The following LINGO2 variants were observed in gnomAD, a reference collection of about 807,000 sequenced individuals.
The protein encoded by LINGO2 is leucine rich repeat and Ig domain containing 2.
Under a neutral mutation model 30.6 loss-of-function variants are expected in LINGO2, and 14 were observed. The observed-to-expected ratio is 0.46, with a 90% CI of 0.30 to 0.72. LINGO2 has a LOEUF of 0.72. Ranked by LOEUF, LINGO2 falls within the 30% of genes least tolerant of loss-of-function variation. LINGO2 has a pLI of 0.07. For missense variants in LINGO2, 729 were observed against 751.7 expected (o/e 0.97, Z 0.35); for synonymous variants, 317 against 288.5 (o/e 1.10, Z -1.00).
chr9:28,328,989 AT>A (rs1825326046), intron 3 of LINGO2, among the ~76,000 whole-genome samples: 1 of 152,180 alleles, frequency 6.6e-6, no homozygotes, highest in South Asian at 2.1e-4. Context: ...AATGGAATAC[AT>A]TGAATGGCCT....
At chr9:29,033,453 T>G in the LINGO2 span, among the ~76,000 whole-genome samples, 1 of 150,642 alleles carries the variant, frequency 6.6e-6, no homozygotes, top group Middle Eastern at 3.5e-3. Flanking sequence ...ATGACTGCCA[T>G]TCAACACACG....
At chr9:28,511,165 T>C (rs1385166685) in intron 1 of LINGO2, among the ~76,000 whole-genome samples, 1 of 152,152 alleles carries the variant, frequency 6.6e-6, no homozygotes, top group African/African-American at 2.4e-5. Context: ...ATGCTTAGTA[T>C]TAACCATCAC....
chr9:29,045,320 TG>T, the LINGO2 span, among the ~76,000 whole-genome samples: 2 of 151,970 alleles, frequency 1.3e-5, no homozygotes, highest in African/African-American at 4.8e-5. Flanking sequence ...AGAGAAATGG[TG>T]GACAAAAGGG....
intron 4 of LINGO2, among the ~76,000 whole-genome samples, chr9:28,275,561 T>A (rs1472397355): frequency 1.3e-5 from 2 of 152,162 alleles, no homozygotes; most frequent in Non-Finnish European, 2.9e-5. Context: ...TATAGGTCAC[T>A]GAGAGCACAA....
chr9:28,452,915 C>G (rs1824705491), intron 2 of LINGO2, among the ~76,000 whole-genome samples: 1 of 151,790 alleles, frequency 6.6e-6, no homozygotes, highest in Non-Finnish European at 1.5e-5. Context: ...TCTTGTATAT[C>G]TTGCTTAAGG....
In LINGO2 at chr9:28,507,279, A is replaced by G. The variant is rs75616671; in HGVS notation, c.-364-31254T>C. 7.7e-3 allele frequency among the ~76,000 whole-genome samples: 1,165 copies of G among 151,244 alleles called. 58 individuals carry two copies. The East Asian group carries it at 0.13, about 16-fold the overall frequency. On this transcript the variant is annotated intron_variant, in intron 1 of 5. Transcript: ENST00000379992. ...TGTGTGTAGATAATTACTCTTTCCT[A>G]CCCAACAGTCTTCTGTAACTATGTT...
At chr9:28,071,657 G>A (rs1162332696) in intron 4 of LINGO2, among the ~76,000 whole-genome samples, 2 of 151,492 alleles carry the variant, frequency 1.3e-5, no homozygotes, top group Non-Finnish European at 2.9e-5. Context: ...GGAAAATTAA[G>A]GCTCACAGGT....
the LINGO2 span, among the ~76,000 whole-genome samples, chr9:29,015,236 TG>T: frequency 1.3e-5 from 2 of 152,250 alleles, no homozygotes; most frequent in East Asian, 3.9e-4. Flanking sequence ...CTAAATGACT[TG>T]ACTTCACCAC....
intron 4 of LINGO2, among the ~76,000 whole-genome samples, chr9:28,248,811 A>T (rs970992591): frequency 6.6e-6 from 1 of 152,184 alleles, no homozygotes; most frequent in African/African-American, 2.4e-5. Context: ...TAGATTTCTC[A>T]TTTATAGAAA....
chr9:28,350,629 T>A (rs1481754000), intron 3 of LINGO2, among the ~76,000 whole-genome samples: 6 of 151,064 alleles, frequency 4.0e-5, no homozygotes, highest in African/African-American at 1.5e-4. Flanking sequence ...GGAATTGAAC[T>A]CAGCTCTGCA....
the LINGO2 span, among the ~76,000 whole-genome samples, chr9:28,767,932 C>T: frequency 3.3e-5 from 5 of 151,962 alleles, no homozygotes; most frequent in South Asian, 4.2e-4. Flanking sequence ...TGGATGGTGT[C>T]GTGTTTTTCC....
chr9:28,065,737 A>T (rs1308868591), intron 4 of LINGO2, among the ~76,000 whole-genome samples: 1 of 152,112 alleles, frequency 6.6e-6, no homozygotes, highest in Non-Finnish European at 1.5e-5. Flanking sequence ...TAGTTTCCTC[A>T]CCAGTAAAAT....
intron 4 of LINGO2, among the ~76,000 whole-genome samples, chr9:28,225,523 G>A (rs1222442516): frequency 1.3e-5 from 2 of 151,932 alleles, no homozygotes; most frequent in Non-Finnish European, 2.9e-5. Flanking sequence ...AAGGCCAATA[G>A]TTTTAAATGC....
intron 4 of LINGO2, among the ~76,000 whole-genome samples, chr9:28,202,248 C>T (rs1366816573): frequency 6.6e-6 from 1 of 152,052 alleles, no homozygotes; most frequent in African/African-American, 2.4e-5. Context: ...AGGATGAGGG[C>T]TTCAATATAT....
At chr9:28,466,303 C>T (rs145227778) in intron 2 of LINGO2, among the ~76,000 whole-genome samples, 1 of 152,264 alleles carries the variant, frequency 6.6e-6, no homozygotes, top group Non-Finnish European at 1.5e-5. Context: ...TGGCTGATCC[C>T]ATCATTTGCA....
At chr9:28,592,928 C>A (rs140077508) in intron 1 of LINGO2, among the ~76,000 whole-genome samples, 1 of 151,990 alleles carries the variant, frequency 6.6e-6, no homozygotes, top group Admixed American at 6.6e-5. Flanking sequence ...GTGTAACATG[C>A]CATTTGAGCC....
intron 4 of LINGO2, among the ~76,000 whole-genome samples, chr9:28,032,629 G>A (rs1823737456): frequency 6.6e-6 from 1 of 152,196 alleles, no homozygotes; most frequent in Admixed American, 6.5e-5. Context: ...AAAACACTGA[G>A]ACCCAAAATG....
chr9:28,588,810 C>T (rs1241427679), intron 1 of LINGO2, among the ~76,000 whole-genome samples: 1 of 152,048 alleles, frequency 6.6e-6, no homozygotes, highest in Admixed American at 6.6e-5. Flanking sequence ...GGCCATGCAG[C>T]ATTTCAAGAA....
intron 3 of LINGO2, among the ~76,000 whole-genome samples, chr9:28,352,200 G>A (rs1819929252): frequency 6.6e-6 from 1 of 151,986 alleles, no homozygotes; most frequent in South Asian, 2.1e-4. Flanking sequence ...AGGAAAAGAG[G>A]AAGTCAAATT....
Sources: gnomAD v4.1 joint callset for allele counts (sites outside exome capture counted in the v4.1 genomes callset) on GRCh38, gnomAD v4.1.1 for gene constraint, MANE v1.5 for transcripts, NCBI Gene and HGNC (gene_info 2026-07-23, HGNC 2026-07-21) for gene names.